The following FGF12 variants were observed in gnomAD, a reference collection of about 807,000 sequenced individuals.
FGF12 encodes the protein fibroblast growth factor 12B.
A neutral mutation model predicts 23.6 loss-of-function variants in FGF12; 14 were observed. That is an observed-to-expected ratio of 0.59 (90% confidence interval 0.39 to 0.93). The LOEUF (loss-of-function observed/expected upper bound fraction) is 0.93, where lower values mean the gene tolerates loss of function less well. Among genes scored for constraint, FGF12 ranks in the 40% least tolerant of loss-of-function variants. The pLI is 0.00. For synonymous variants in FGF12, 62 were observed against 77.3 expected (o/e 0.80, Z 1.04); for missense variants, 175 against 217.8 (o/e 0.80, Z 1.24).
At chr3:192,235,484 C>T (rs189422432) in intron 4 of FGF12, among the ~76,000 whole-genome samples, 3 of 152,204 alleles carry the variant, frequency 2.0e-5, no homozygotes, top group African/African-American at 7.2e-5. Flanking sequence ...CCACCACACC[C>T]AGCTAATTTT....
Position 192,162,296 on chromosome 3 carries a change from T to C in FGF12, c.427+8162A>G, listed in dbSNP as rs143224685. Among the ~76,000 whole-genome samples the C allele has an allele frequency of 3.3e-5, 5 of 152,136 alleles. No homozygotes were observed. In the East Asian group the frequency reaches 5.8e-4, roughly 18 times the overall value. On this transcript the variant is annotated intron_variant, in intron 5 of 5. Coordinates refer to ENST00000445105, the MANE Select transcript of FGF12 (RefSeq NM_004113.6). ...ATTCTAAGTGCTAGTTTGGAAGAAA[T>C]GTATTGCCTTAGAAATGCATTCACT...
intron 2 of FGF12, among the ~76,000 whole-genome samples, chr3:192,641,385 G>A (rs200232797): frequency 1.6e-5 from 1 of 62,980 alleles, no homozygotes; most frequent in Admixed American, 1.4e-4. Flanking sequence ...GATTACAGGC[G>A]TGAGCCACCG....
chr3:192,189,190 G>T (rs1277382209), intron 4 of FGF12, among the ~76,000 whole-genome samples: 3 of 152,098 alleles, frequency 2.0e-5, no homozygotes, highest in East Asian at 1.9e-4. Context: ...GGGCTTTTTT[G>T]ATTTCCTTTG....
chr3:192,580,668 C>G (rs993314952), intron 2 of FGF12, among the ~76,000 whole-genome samples: 1 of 152,114 alleles, frequency 6.6e-6, no homozygotes, highest in Admixed American at 6.5e-5. Context: ...AGTGCAGTGG[C>G]CCGATCTCAG....
At chr3:192,440,125 C>T (rs1722161710) in intron 2 of FGF12, among the ~76,000 whole-genome samples, 1 of 151,694 alleles carries the variant, frequency 6.6e-6, no homozygotes, top group Non-Finnish European at 1.5e-5. Context: ...AGGAAGACTG[C>T]CATGTGAAAG....
At chr3:192,664,124 CA>C (rs752802223) in intron 2 of FGF12, among the ~76,000 whole-genome samples, 13 of 152,182 alleles carry the variant, frequency 8.5e-5, no homozygotes, top group Non-Finnish European at 1.9e-4. Context: ...TGAAGTTAAG[CA>C]ATGTGGTCCT....
chr3:192,466,883 T>A (rs1723026698), intron 2 of FGF12, among the ~76,000 whole-genome samples: 1 of 152,156 alleles, frequency 6.6e-6, no homozygotes, highest in South Asian at 2.1e-4. Flanking sequence ...TAGACAGACA[T>A]TTATACCAGC....
At chr3:192,190,625 G>C (rs899196358) in intron 4 of FGF12, among the ~76,000 whole-genome samples, 2 of 151,568 alleles carry the variant, frequency 1.3e-5, no homozygotes, top group African/African-American at 2.4e-5. Flanking sequence ...ACAGGTGCCC[G>C]CCACCGCGCC....
chr3:192,588,368 G>A (rs3043737), intron 2 of FGF12, among the ~76,000 whole-genome samples: 692 of 98,176 alleles, frequency 7.0e-3, no homozygotes, highest in Middle Eastern at 0.025. Flanking sequence ...AAAAAAAAAA[G>A]AAAAAAAGAA....
In FGF12 at chr3:192,274,359, T is replaced by C. The variant is rs190988991; in HGVS notation, c.228+61002A>G. Among the ~76,000 whole-genome samples the C allele has an allele frequency of 1.2e-3, 176 of 152,302 alleles. 1 individual carries two copies. Among genetic ancestry groups the C allele is most frequent in the Admixed American group, 4.8e-3 (74 of 15,288 alleles). ...TATATAAAATGTGTAGAGTAAGCCA[T>C]ACCAAAAATAAATAACAGAGAAAGT... On this transcript the variant is annotated intron_variant, in intron 4 of 5. Coordinates refer to ENST00000445105, the MANE Select transcript of FGF12 (RefSeq NM_004113.6).
At chr3:192,159,995 C>T (rs962808418) in intron 5 of FGF12, among the ~76,000 whole-genome samples, 2 of 151,846 alleles carry the variant, frequency 1.3e-5, no homozygotes, top group African/African-American at 4.8e-5. Flanking sequence ...TTTCAGCACA[C>T]AGACCCATTA....
At chr3:192,539,962 A>T (rs762111228) in intron 2 of FGF12, among the ~76,000 whole-genome samples, 2 of 151,850 alleles carry the variant, frequency 1.3e-5, no homozygotes, top group Non-Finnish European at 2.9e-5. Context: ...GCCTCTAATG[A>T]TCCTTTGGAT....
chr3:192,362,228 A>G (rs369515832), intron 2 of FGF12, among the ~76,000 whole-genome samples: 1 of 152,268 alleles, frequency 6.6e-6, no homozygotes, highest in East Asian at 1.9e-4. Flanking sequence ...CGTCACTGCA[A>G]ACAACTCTCT....
intron 2 of FGF12, among the ~76,000 whole-genome samples, chr3:192,422,935 G>C (rs1721577124): frequency 6.6e-6 from 1 of 152,096 alleles, no homozygotes; most frequent in Non-Finnish European, 1.5e-5. Context: ...CATGTGGCTG[G>C]GCAGGGTGGG....
intron 2 of FGF12, among the ~76,000 whole-genome samples, chr3:192,572,631 G>C (rs1407960158): frequency 6.6e-6 from 1 of 152,156 alleles, no homozygotes; most frequent in Non-Finnish European, 1.5e-5. Context: ...TTTATGCACA[G>C]ACAAATACCA....
At chr3:192,156,832 G>T (rs576473661) in intron 5 of FGF12, among the ~76,000 whole-genome samples, 85 of 152,106 alleles carry the variant, frequency 5.6e-4, no homozygotes, top group Middle Eastern at 3.4e-3. Context: ...ATTTCTTTTT[G>T]GTTCTTCTGT....
intron 2 of FGF12, among the ~76,000 whole-genome samples, chr3:192,511,222 T>TACACAC (rs5855433): frequency 0.019 from 2,818 of 149,644 alleles, 50 homozygotes; most frequent in African/African-American, 0.043. Flanking sequence ...CAATTGTGTG[T>TACACAC]ACACACACAC....
At chr3:192,363,139 A>T (rs1453258480) in intron 2 of FGF12, among the ~76,000 whole-genome samples, 1 of 151,938 alleles carries the variant, frequency 6.6e-6, no homozygotes, top group Non-Finnish European at 1.5e-5. Context: ...ATCTAATGTA[A>T]ATGACGAGTT....
intron 4 of FGF12, among the ~76,000 whole-genome samples, chr3:192,329,444 T>G (rs892043265): frequency 3.3e-5 from 5 of 152,204 alleles, no homozygotes; most frequent in Non-Finnish European, 7.4e-5. Context: ...ATCACTAGTG[T>G]TCTAACCACA....
Sources: allele counts gnomAD v4.1 joint callset (sites outside exome capture counted in the v4.1 genomes callset), GRCh38; gene constraint gnomAD v4.1.1; transcripts MANE v1.5; gene names NCBI Gene and HGNC (gene_info 2026-07-23, HGNC 2026-07-21).